The following TADA2B variants were observed in gnomAD, a reference collection of about 807,000 sequenced individuals.
TADA2B encodes transcriptional adapter 2-beta.
Under a neutral mutation model 34.5 loss-of-function variants are expected in TADA2B, and 13 were observed. The observed-to-expected ratio is 0.38, with a 90% confidence interval of 0.25 to 0.60. The LOEUF is 0.60. Ranked by LOEUF, TADA2B falls within the 20% of genes least tolerant of loss-of-function variation. The probability of loss-of-function intolerance (pLI) is 0.65; values close to 1 mark genes in which losing one functional copy is unlikely to be tolerated. For synonymous variants in TADA2B, 240 were observed against 243.4 expected, an observed-to-expected ratio of 0.99 and a Z score of 0.13; for missense variants, 442 against 575.0, an observed-to-expected ratio of 0.77 and a Z score of 2.37.
chr4:7,043,936 AC>A, intron 1 of TADA2B, 87 bp downstream of exon 1: 1 of 1,362,294 alleles, frequency 7.3e-7, no homozygotes, highest in Non-Finnish European at 9.5e-7. Flanking sequence ...GCAGCGCTGG[AC>A]CTGCTCGCTC....
intron 1 of TADA2B, among the ~76,000 whole-genome samples, chr4:7,050,715 G>A (rs1048253704): frequency 1.1e-4 from 16 of 152,354 alleles, no homozygotes; most frequent in South Asian, 2.1e-4. Flanking sequence ...TGCACATCAC[G>A]GGGGCAGGGT....
intron 1 of TADA2B, among the ~76,000 whole-genome samples, chr4:7,052,185 G>A (rs1723788327): frequency 6.6e-6 from 1 of 152,244 alleles, no homozygotes; most frequent in East Asian, 1.9e-4. Context: ...AGCTGGTGTC[G>A]AGGGCTGGAG....
At position 7,054,834 on chromosome 4, in the gene TADA2B, T is replaced by C; in HGVS notation, c.1043T>C (p.Phe348Ser). The C allele has an allele frequency of 1.2e-6, 2 of 1,613,888 alleles. No individual in the cohort carries two copies. Among genetic ancestry groups the C allele is most frequent in the Non-Finnish European group, 1.7e-6 (2 of 1,179,872 alleles). Reference sequence around the variant, plus strand: ...GCCGCCATTGAGAACCTTCCAGGCTTCGAGCTCCTGTCAGATCGCGAGAAG... The same window carrying C: ...GCCGCCATTGAGAACCTTCCAGGCTCCGAGCTCCTGTCAGATCGCGAGAAG... ...EFAAIENLPG[F>S]ELLSDREKVL... The change falls in exon 2 of 2, where the codon TTC becomes TCC. Residue 348 changes from phenylalanine to serine, a missense_variant. Physicochemically the swap from Phe to Ser is radical, Grantham distance 155. This residue lies in a region of TADA2B where 114 missense variants were observed against 144.7 expected (regional missense o/e 0.79). Coordinates refer to ENST00000310074, the MANE Select transcript of TADA2B (RefSeq NM_152293.3).
At position 7,043,763 on chromosome 4, in the gene TADA2B, TG is replaced by T; in HGVS notation, c.189del (p.Glu65ArgfsTer42). On this transcript the variant is annotated frameshift_variant, in exon 1 of 2. Coordinates refer to ENST00000310074, the MANE Select transcript of TADA2B (RefSeq NM_152293.3). LOFTEE classifies it high-confidence loss of function. ...QLVDGGRFTLWGPEAEGGWTS... is the reference protein window; with the variant it reads ...QLVDGGRFTLXGPEAEGGWTS... ...GGTGGACGGCGGGCGCTTCACGCTC[TG>T]GGGGCCCGAGGCCGAGGGCGGCTGG... 6.4e-7 allele frequency: 1 copy of T among 1,573,356 alleles called. No homozygotes were observed. Among genetic ancestry groups the T allele is most frequent in the Non-Finnish European group, 8.6e-7 (1 of 1,164,620 alleles).
intron 1 of TADA2B, chr4:7,053,032 T>G (rs1421206673): frequency 1.3e-5 from 2 of 152,284 alleles, no homozygotes; most frequent in African/African-American, 2.4e-5. Flanking sequence ...TCAGCCTGGA[T>G]GGGGTGGCGG....
chr4:7,054,941 C>T lies in TADA2B; in HGVS notation c.1150C>T (p.Arg384Trp). 1 of 1,613,904 alleles carries T rather than the reference C, an allele frequency of 6.2e-7. No homozygotes were observed. The highest frequency in any genetic ancestry group is 8.5e-7 in the Non-Finnish European group (1 of 1,179,892). Residue 384 changes from arginine to tryptophan, a missense_variant, in exon 2 of 2, where the codon CGG (arginine) becomes TGG (tryptophan). Transcript: ENST00000310074. ...TATAATTAAAGACCACCTCCAGAAG[C>T]GGCAAGGAATCCCCTCCAAAAGCCG... ...TIIIKDHLQK[R>W]QGIPSKSRLP...
rs1404375048 is a variant in TADA2B, at chr4:7,054,653, A to G, written c.862A>G (p.Ile288Val). ...MHKEKMLRAK[I>V]RELQRYRRNG... Reference sequence around the variant, plus strand: ...CAAAGAAAAAATGCTCCGGGCCAAGATCCGAGAACTGCAGCGGTACCGGCG... The same window carrying G: ...CAAAGAAAAAATGCTCCGGGCCAAGGTCCGAGAACTGCAGCGGTACCGGCG... The change falls in exon 2 of 2, where the codon ATC (isoleucine) becomes GTC (valine). Residue 288 changes from isoleucine (I) to valine (V), a missense_variant. Ile to Val is a conservative substitution (Grantham distance 29, BLOSUM62 3). This residue lies in a region of TADA2B where 222 missense variants were observed against 235.2 expected (regional missense o/e 0.94). Coordinates refer to ENST00000310074, the MANE Select transcript of TADA2B (RefSeq NM_152293.3). The G allele has an allele frequency of 5.0e-6, 8 of 1,613,816 alleles. No individual in the cohort carries two copies. The highest frequency in any genetic ancestry group is 6.8e-6 in the Non-Finnish European group (8 of 1,179,894).
In TADA2B at chr4:7,054,562, G is replaced by A. The variant is rs773094997; in HGVS notation, c.771G>A (p.Leu257=). The A allele has an allele frequency of 6.2e-7, 1 of 1,613,908 alleles. No homozygotes were observed. The highest frequency in any genetic ancestry group is 2.2e-5 in the East Asian group (1 of 44,888). ...KITKEEKELR[L]KLRPLYQFMS... ...CCAAGGAGGAGAAGGAGCTGCGCCT[G>A]AAGCTGAGGCCGCTGTACCAGTTCA... is the stretch of plus-strand genomic sequence containing the variant. Residue 257 remains leucine, a synonymous_variant, in exon 2 of 2, where the codon CTG becomes CTA. Coordinates refer to ENST00000310074, the MANE Select transcript of TADA2B (RefSeq NM_152293.3).
In TADA2B at chr4:7,043,771, C is replaced by T; in HGVS notation, c.192C>T (p.Pro64=). The change falls in exon 1 of 2, where the codon CCC becomes CCT. Residue 64 remains proline (P), a synonymous_variant. Transcript: ENST00000310074. Reference sequence around the variant, plus strand: ...GCGGGCGCTTCACGCTCTGGGGGCCCGAGGCCGAGGGCGGCTGGACCAGTC... The same window carrying T: ...GCGGGCGCTTCACGCTCTGGGGGCCTGAGGCCGAGGGCGGCTGGACCAGTC... ...VDGGRFTLWG[P]EAEGGWTSRE... is the part of the protein sequence containing the mutation. 1 of 1,573,430 alleles carries T rather than the reference C, an allele frequency of 6.4e-7. No homozygotes were observed. Among genetic ancestry groups the T allele is most frequent in the Middle Eastern group, 1.9e-4 (1 of 5,374 alleles).
chr4:7,048,000 G>A (rs1408446430), intron 1 of TADA2B, among the ~76,000 whole-genome samples: 1 of 152,204 alleles, frequency 6.6e-6, no homozygotes, highest in East Asian at 1.9e-4. Context: ...GGGTGATGTG[G>A]GAACGTGGAA....
chr4:7,045,101 C>T (rs963828583), intron 1 of TADA2B: 2 of 152,312 alleles, frequency 1.3e-5, no homozygotes, highest in Non-Finnish European at 2.9e-5. Flanking sequence ...TGGCGGAGAA[C>T]TCTGAAGGAA....
At chr4:7,048,544 T>G (rs1185921633) in intron 1 of TADA2B, among the ~76,000 whole-genome samples, 1 of 152,196 alleles carries the variant, frequency 6.6e-6, no homozygotes, top group Non-Finnish European at 1.5e-5. Flanking sequence ...TTATAAAACT[T>G]CAAAATTATT....
At chr4:7,050,671 G>C (rs987847295) in intron 1 of TADA2B, among the ~76,000 whole-genome samples, 2 of 152,240 alleles carry the variant, frequency 1.3e-5, no homozygotes, top group Non-Finnish European at 2.9e-5. Flanking sequence ...TGGCAGCCTC[G>C]GGCACGACGC....
At chr4:7,047,550 G>A (rs905379887) in intron 1 of TADA2B, among the ~76,000 whole-genome samples, 3 of 152,216 alleles carry the variant, frequency 2.0e-5, no homozygotes, top group African/African-American at 2.4e-5. Context: ...TCATTCTCTC[G>A]CTCATTCATT....
rs1437489186 is a variant in TADA2B, at chr4:7,054,752, A to C, written c.961A>C (p.Asn321His). 1 of 1,613,860 alleles carries C rather than the reference A, an allele frequency of 6.2e-7. No homozygotes were observed. The highest frequency in any genetic ancestry group is 1.7e-5 in the Admixed American group (1 of 60,002). The change falls in exon 2 of 2, where the codon AAC becomes CAC. Residue 321 changes from asparagine (N) to histidine (H), a missense_variant. Asn to His is a moderately conservative substitution (Grantham distance 68). Coordinates refer to ENST00000310074, the MANE Select transcript of TADA2B (RefSeq NM_152293.3). ...ARHKREKRKE[N>H]KNLAGSKRGK... ...GCATAAACGGGAGAAGAGGAAGGAG[A>C]ACAAAAACCTAGCCGGCTCCAAACG...
chr4:7,057,506 A>T lies in TADA2B; in HGVS notation c.*2452A>T, dbSNP rs1442079307. ...ATGGAATTAGGTCTTGTTAAAATCT[A>T]GTCCGGGCGCAGTGGCTCACGCCTG... On this transcript the variant is annotated 3_prime_UTR_variant, in exon 2 of 2. Coordinates refer to ENST00000310074, the MANE Select transcript of TADA2B (RefSeq NM_152293.3). 1.3e-5 allele frequency: 2 copies of T among 152,238 alleles called. No individual in the cohort carries two copies. The highest frequency in any genetic ancestry group is 4.8e-5 in the African/African-American group (2 of 41,468). 9.4% of individuals were successfully genotyped at this position (152,238 alleles called of 1,614,324 possible). A position where few individuals can be genotyped will look rare whatever the true frequency, so the allele number is the denominator to read the frequency against.
chr4:7,049,122 A>G (rs1367270370), intron 1 of TADA2B, among the ~76,000 whole-genome samples: 1 of 152,046 alleles, frequency 6.6e-6, no homozygotes, highest in Admixed American at 6.6e-5. Context: ...TCTATCGCCC[A>G]GGCTGGAGTG....
intron 1 of TADA2B, among the ~76,000 whole-genome samples, chr4:7,052,356 G>A (rs1028913032): frequency 4.6e-5 from 7 of 152,252 alleles, no homozygotes; most frequent in South Asian, 2.1e-4. Flanking sequence ...AAGGGCGGGC[G>A]TTAGGGACTG....
In TADA2B at chr4:7,054,200, T is replaced by C; in HGVS notation, c.409T>C (p.Cys137Arg). 1 of 1,606,406 alleles carries C rather than the reference T, an allele frequency of 6.2e-7. No homozygotes were observed. Among genetic ancestry groups the C allele is most frequent in the Non-Finnish European group, 8.5e-7 (1 of 1,176,536 alleles). ...CCCCAACCGCGTGACAGACCACACCTGTCCCAGCGGAGGCCCCCTCTCACC... is the reference window on the plus strand; with the variant it reads ...CCCCAACCGCGTGACAGACCACACCCGTCCCAGCGGAGGCCCCCTCTCACC... ...TIPNRVTDHT[C>R]PSGGPLSPSL... is the part of the protein sequence containing the mutation. Residue 137 changes from cysteine to arginine, a missense_variant, in exon 2 of 2, where the codon TGT (cysteine) becomes CGT (arginine). Around this residue, in one of 4 missense-constraint regions of TADA2B, gnomAD observed 222 missense variants for 235.2 expected, o/e 0.94. Coordinates refer to ENST00000310074, the MANE Select transcript of TADA2B (RefSeq NM_152293.3).
Sources: gnomAD v4.1 joint callset for allele counts (sites outside exome capture counted in the v4.1 genomes callset) on GRCh38, gnomAD v4.1.1 for gene constraint, gnomAD v4.1.1 regional missense constraint, MANE v1.5 for transcripts, NCBI Gene and HGNC (gene_info 2026-07-23, HGNC 2026-07-21) for gene names.